The following SNTG1 variants were observed in gnomAD, a reference collection of about 807,000 sequenced individuals.
SNTG1 encodes gamma-1-syntrophin.
A neutral mutation model predicts 74.7 loss-of-function variants in SNTG1; 39 were observed. The observed-to-expected ratio is 0.52, with a 90% CI of 0.40 to 0.68. The LOEUF is 0.68. SNTG1 is among the 30% of genes least tolerant of loss of function. The pLI is 0.00. For missense variants in SNTG1, 685 were observed against 609.5 expected, an observed-to-expected ratio of 1.12 and a Z score of -1.30; for synonymous variants, 254 against 217.1, an observed-to-expected ratio of 1.17 and a Z score of -1.49.
At chr8:50,297,875 T>C (rs911611270) in intron 2 of SNTG1, among the ~76,000 whole-genome samples, 1 of 148,830 alleles carries the variant, frequency 6.7e-6, no homozygotes, top group Non-Finnish European at 1.5e-5. Context: ...GGTTGAAATA[T>C]GTGGCTTTTT....
At chr8:50,275,172 C>T (rs965529942) in intron 2 of SNTG1, among the ~76,000 whole-genome samples, 1 of 152,136 alleles carries the variant, frequency 6.6e-6, no homozygotes, top group African/African-American at 2.4e-5. Flanking sequence ...CTAGTGAAAT[C>T]ATCCAGGTCT....
intron 12 of SNTG1, among the ~76,000 whole-genome samples, chr8:50,556,469 TA>T (rs1448120348): frequency 6.6e-6 from 1 of 152,220 alleles, no homozygotes; most frequent in Non-Finnish European, 1.5e-5. Flanking sequence ...AGGTAGAATT[TA>T]TAAATTGTAA....
chr8:50,545,141 A>G (rs1234083615), intron 11 of SNTG1, among the ~76,000 whole-genome samples: 1 of 152,060 alleles, frequency 6.6e-6, no homozygotes, highest in East Asian at 1.9e-4. Context: ...TCCATAGCCC[A>G]TAATTTTAAC....
At chr8:50,427,399 G>A (rs2093176829) in intron 4 of SNTG1, among the ~76,000 whole-genome samples, 1 of 152,028 alleles carries the variant, frequency 6.6e-6, no homozygotes, top group Admixed American at 6.6e-5. Context: ...AGACACTAAT[G>A]CAAATATTCA....
At chr8:49,991,591 T>A (rs1393390313) in intron 1 of SNTG1, among the ~76,000 whole-genome samples, 1 of 152,022 alleles carries the variant, frequency 6.6e-6, no homozygotes, top group Admixed American at 6.6e-5. Flanking sequence ...GGAAGAATAT[T>A]TGAGAATAAG....
chr8:50,269,808 G>T (rs1322320268), intron 2 of SNTG1, among the ~76,000 whole-genome samples: 1 of 152,116 alleles, frequency 6.6e-6, no homozygotes, highest in Non-Finnish European at 1.5e-5. Context: ...ACATACAAAT[G>T]ACTGTGGTAC....
intron 1 of SNTG1, among the ~76,000 whole-genome samples, chr8:50,085,507 G>T (rs912571003): frequency 6.6e-6 from 1 of 152,194 alleles, no homozygotes; most frequent in African/African-American, 2.4e-5. Flanking sequence ...AAGGCTCTAT[G>T]CACAGTGTAA....
chr8:49,936,752 AG>A (rs1332085476), intron 1 of SNTG1, among the ~76,000 whole-genome samples: 1 of 152,194 alleles, frequency 6.6e-6, no homozygotes, highest in Non-Finnish European at 1.5e-5. Flanking sequence ...ACAAGTGAAG[AG>A]CAAACATGGT....
intron 2 of SNTG1, among the ~76,000 whole-genome samples, chr8:50,189,186 C>A (rs2083481249): frequency 6.6e-6 from 1 of 152,136 alleles, no homozygotes; most frequent in Non-Finnish European, 1.5e-5. Context: ...TTGAAAGACA[C>A]ATAATTAAGC....
intron 1 of SNTG1, among the ~76,000 whole-genome samples, chr8:49,973,488 A>G (rs923079712): frequency 2.0e-5 from 3 of 151,996 alleles, no homozygotes; most frequent in South Asian, 2.1e-4. Context: ...CGTTGTGCAC[A>G]TGTACCCTAA....
rs534434438 is a variant in SNTG1, at chr8:50,207,777, A to G, written c.-28+35142A>G. ...TCTGGTATGTTGTGTCTTTGTTCTC[A>G]TTGGTTTCAAAGAACATCTTTATTT... is the stretch of plus-strand genomic sequence containing the variant. On this transcript the variant is annotated intron_variant, in intron 2 of 18. Coordinates refer to ENST00000642720, the MANE Select transcript of SNTG1 (RefSeq NM_018967.5). Among the ~76,000 whole-genome samples, 6 of 152,210 alleles carry G rather than the reference A, an allele frequency of 3.9e-5. No homozygotes were observed. The East Asian group carries it at 9.7e-4, about 24-fold the overall frequency.
intron 1 of SNTG1, among the ~76,000 whole-genome samples, chr8:50,084,940 T>C (rs970017182): frequency 2.0e-5 from 3 of 152,222 alleles, no homozygotes; most frequent in African/African-American, 7.2e-5. Flanking sequence ...TCAGAACTTC[T>C]GTTTTTCATA....
chr8:50,768,559 A>G (rs923226895), intron 18 of SNTG1, among the ~76,000 whole-genome samples: 9 of 152,008 alleles, frequency 5.9e-5, no homozygotes, highest in Admixed American at 5.3e-4. Flanking sequence ...ATTTGGGATC[A>G]AGGCTCTCTT....
At chr8:50,537,717 G>C (rs144792870) in intron 11 of SNTG1, among the ~76,000 whole-genome samples, 7 of 152,168 alleles carry the variant, frequency 4.6e-5, no homozygotes, top group African/African-American at 1.7e-4. Flanking sequence ...CAGGGGTTGG[G>C]AAACTTTCCT....
chr8:50,049,772 T>A (rs1819411891), intron 1 of SNTG1, among the ~76,000 whole-genome samples: 2 of 152,062 alleles, frequency 1.3e-5, no homozygotes, highest in Non-Finnish European at 2.9e-5. Flanking sequence ...TAGACCATAG[T>A]GGGATTAAAA....
intron 8 of SNTG1, among the ~76,000 whole-genome samples, chr8:50,473,012 A>G (rs1465349679): frequency 6.6e-6 from 1 of 152,202 alleles, no homozygotes; most frequent in Non-Finnish European, 1.5e-5. Flanking sequence ...GCCACTATTA[A>G]AAACAAAATC....
intron 1 of SNTG1, among the ~76,000 whole-genome samples, chr8:49,955,259 T>G (rs942505977): frequency 2.0e-5 from 3 of 152,350 alleles, no homozygotes; most frequent in Non-Finnish European, 4.4e-5. Context: ...TGTTTTTTGC[T>G]AGCTAAAATA....
At position 50,123,681 on chromosome 8, in the gene SNTG1, C is replaced by T. The variant is rs575833193; in HGVS notation, c.-102-48880C>T. ...TTCATGTATATGCAAAGCACAGATT[C>T]TTTTATTTTGTTTTTCCTACTGGGA... is the stretch of plus-strand genomic sequence containing the variant. On this transcript the variant is annotated intron_variant, in intron 1 of 18. Transcript: ENST00000642720. Among the ~76,000 whole-genome samples, 172 of 142,442 alleles carry T rather than the reference C, an allele frequency of 1.2e-3. 20 individuals are homozygous for T. Among genetic ancestry groups the T allele is most frequent in the African/African-American group, 4.1e-3 (162 of 39,440 alleles). The allele number at this position is 142,442 out of a possible 152,430, so 93.4% of individuals were successfully genotyped here.
chr8:50,697,481 A>T (rs897129725), intron 15 of SNTG1, among the ~76,000 whole-genome samples: 4 of 152,170 alleles, frequency 2.6e-5, no homozygotes, highest in Non-Finnish European at 5.9e-5. Flanking sequence ...GAGTGGTAAG[A>T]GTGGACAACC....
Sources: allele counts gnomAD v4.1 joint callset (sites outside exome capture counted in the v4.1 genomes callset), GRCh38; gene constraint gnomAD v4.1.1; transcripts MANE v1.5; gene names NCBI Gene and HGNC (gene_info 2026-07-23, HGNC 2026-07-21).